The following GALNTL6 variants were observed in gnomAD, a reference collection of about 807,000 sequenced individuals.
GALNTL6 encodes the protein polypeptide N-acetylgalactosaminyltransferase-like 6.
Under a neutral mutation model 73.7 loss-of-function variants are expected in GALNTL6, and 46 were observed. That is an observed-to-expected ratio of 0.62 (90% confidence interval 0.49 to 0.80). The LOEUF (loss-of-function observed/expected upper bound fraction) is 0.80. Among genes scored for constraint, GALNTL6 ranks in the 30% least tolerant of loss-of-function variants. The probability of loss-of-function intolerance (pLI) is 0.00; values close to 1 mark genes in which losing one functional copy is unlikely to be tolerated. For synonymous variants in GALNTL6, 259 were observed against 263.7 expected (o/e 0.98, Z 0.17); for missense variants, 604 against 755.0 (o/e 0.80, Z 2.34).
chr4:172,357,092 A>C (rs889021952), intron 5 of GALNTL6, among the ~76,000 whole-genome samples: 5 of 152,156 alleles, frequency 3.3e-5, no homozygotes, highest in Non-Finnish European at 7.3e-5. Flanking sequence ...TGACTTTAGC[A>C]CACCAATTCC....
chr4:172,672,477 C>A (rs989008430), intron 5 of GALNTL6, among the ~76,000 whole-genome samples: 1 of 152,040 alleles, frequency 6.6e-6, no homozygotes, highest in Non-Finnish European at 1.5e-5. Flanking sequence ...ATTTTTCATT[C>A]TTTGTTGTTG....
At chr4:172,114,300 G>C (rs1171181098) in intron 2 of GALNTL6, among the ~76,000 whole-genome samples, 1 of 151,964 alleles carries the variant, frequency 6.6e-6, no homozygotes, top group Non-Finnish European at 1.5e-5. Flanking sequence ...AAGTAGTTAT[G>C]GTCAGGGCTC....
intron 2 of GALNTL6, among the ~76,000 whole-genome samples, chr4:172,185,234 G>A (rs1434717899): frequency 2.0e-5 from 3 of 152,236 alleles, no homozygotes; most frequent in Non-Finnish European, 4.4e-5. Context: ...AATAATGATG[G>A]CATCTAGAAA....
intron 2 of GALNTL6, among the ~76,000 whole-genome samples, chr4:172,052,178 G>A (rs1730894497): frequency 6.6e-6 from 1 of 152,152 alleles, no homozygotes; most frequent in Non-Finnish European, 1.5e-5. Context: ...AATTTGAGAA[G>A]CACTGCCTTA....
chr4:172,446,853 A>G (rs893728373), intron 5 of GALNTL6, among the ~76,000 whole-genome samples: 5 of 152,138 alleles, frequency 3.3e-5, no homozygotes, highest in Admixed American at 2.6e-4. Context: ...TTGTTTTGCA[A>G]CTGTGGATGA....
chr4:172,678,777 A>G (rs193053373), intron 5 of GALNTL6, among the ~76,000 whole-genome samples: 1 of 152,294 alleles, frequency 6.6e-6, no homozygotes, highest in Non-Finnish European at 1.5e-5. Flanking sequence ...TTACATATCA[A>G]CTGAGTTAAT....
At chr4:172,304,283 A>G (rs576395801) in intron 3 of GALNTL6, among the ~76,000 whole-genome samples, 6 of 152,330 alleles carry the variant, frequency 3.9e-5, no homozygotes, top group African/African-American at 1.4e-4. Context: ...CGTACCTGTT[A>G]TGTGGCAGTC....
chr4:171,872,809 C>T (rs954336778), intron 2 of GALNTL6, among the ~76,000 whole-genome samples: 1 of 152,136 alleles, frequency 6.6e-6, no homozygotes, highest in African/African-American at 2.4e-5. Flanking sequence ...GTAAAGGTCC[C>T]ATTTCCAAAT....
rs948611267 is a variant in GALNTL6 at position 172,783,637 on chromosome 4, T to C, written c.554-25724T>C. Among the ~76,000 whole-genome samples the C allele has an allele frequency of 7.2e-5, 11 of 151,742 alleles. No homozygotes were observed. The East Asian group carries it at 2.1e-3, about 29-fold the overall frequency. On this transcript the variant is annotated intron_variant, in intron 5 of 12. Coordinates refer to ENST00000506823, the MANE Select transcript of GALNTL6 (RefSeq NM_001034845.3). Reference sequence around the variant, plus strand: ...TCGTACAGTTCTGGAAGCCAGAAGTTAATGAGTCTAATACGGGTAAAATCA... The same window carrying C: ...TCGTACAGTTCTGGAAGCCAGAAGTCAATGAGTCTAATACGGGTAAAATCA...
At chr4:172,767,149 T>C (rs1337031362) in intron 5 of GALNTL6, among the ~76,000 whole-genome samples, 1 of 152,234 alleles carries the variant, frequency 6.6e-6, no homozygotes. Context: ...AGGATTAAAC[T>C]GGGCTGTCTT....
chr4:172,707,270 A>G (rs567612316), intron 5 of GALNTL6, among the ~76,000 whole-genome samples: 1 of 152,260 alleles, frequency 6.6e-6, no homozygotes, highest in South Asian at 2.1e-4. Context: ...AAATTCTTCA[A>G]CTTTAAAAAT....
intron 2 of GALNTL6, among the ~76,000 whole-genome samples, chr4:172,132,609 T>C (rs1364529507): frequency 6.6e-6 from 1 of 152,134 alleles, no homozygotes; most frequent in African/African-American, 2.4e-5. Context: ...TACTTAAATA[T>C]ATGTTATTAC....
rs78685768 is a variant in GALNTL6 at position 172,470,855 on chromosome 4, T to C, written c.553+122166T>C. Among the ~76,000 whole-genome samples the C allele has an allele frequency of 7.4e-3, 1,122 of 152,178 alleles. 18 individuals are homozygous for C. Among genetic ancestry groups the C allele is most frequent in the African/African-American group, 0.025 (1,054 of 41,520 alleles). On this transcript the variant is annotated intron_variant, in intron 5 of 12. Transcript: ENST00000506823. The stretch of plus-strand genomic sequence containing the variant: ...GTGTGCATGGGCCTGCACACACACA[T>C]ACACAACACACACAGACTCAGAATG...
chr4:172,687,148 T>C (rs1732964821), intron 5 of GALNTL6, among the ~76,000 whole-genome samples: 1 of 152,194 alleles, frequency 6.6e-6, no homozygotes, highest in Admixed American at 6.5e-5. Flanking sequence ...TCAGATAGAA[T>C]CTGGTAAAAG....
chr4:172,399,760 T>C (rs1009825808), intron 5 of GALNTL6, among the ~76,000 whole-genome samples: 3 of 152,266 alleles, frequency 2.0e-5, no homozygotes, highest in African/African-American at 7.2e-5. Flanking sequence ...GATGAGTTTT[T>C]CTCATTCACC....
chr4:172,268,898 T>G (rs1738543238), intron 3 of GALNTL6, among the ~76,000 whole-genome samples: 1 of 152,104 alleles, frequency 6.6e-6, no homozygotes, highest in African/African-American at 2.4e-5. Context: ...TTCACAGTCT[T>G]TAGAACTGTG....
chr4:171,841,384 C>T lies in GALNTL6; in HGVS notation c.138+26666C>T, dbSNP rs537934062. ...ATTTAATCTATGTATTGGTGAAATACCAGTAATAGAAAACAATATGTTAGA... is the reference window on the plus strand; with the variant it reads ...ATTTAATCTATGTATTGGTGAAATATCAGTAATAGAAAACAATATGTTAGA... On this transcript the variant is annotated intron_variant, in intron 2 of 12. Transcript: ENST00000506823. 2.6e-5 allele frequency among the ~76,000 whole-genome samples: 4 copies of T among 151,932 alleles called. No individual in the cohort carries two copies. In the South Asian group the frequency reaches 8.3e-4, roughly 32 times the overall value.
chr4:173,014,651 A>G (rs1450260956), intron 11 of GALNTL6, among the ~76,000 whole-genome samples: 1 of 152,238 alleles, frequency 6.6e-6, no homozygotes, highest in Non-Finnish European at 1.5e-5. Context: ...AAGGAGAAAC[A>G]TGCTGTATCT....
intron 7 of GALNTL6, among the ~76,000 whole-genome samples, chr4:172,879,969 A>C (rs975338158): frequency 1.3e-5 from 2 of 152,082 alleles, no homozygotes; most frequent in African/African-American, 4.8e-5. Context: ...ACCACTACAC[A>C]CCTATTATCA....
Sources: gnomAD v4.1 joint callset for allele counts (sites outside exome capture counted in the v4.1 genomes callset) on GRCh38, gnomAD v4.1.1 for gene constraint, MANE v1.5 for transcripts, NCBI Gene and HGNC (gene_info 2026-07-23, HGNC 2026-07-21) for gene names.